The following ABCC11 variants were observed in gnomAD, a reference collection of about 807,000 sequenced individuals.
The protein encoded by ABCC11 is ATP binding cassette subfamily C member 11.
A neutral mutation model predicts 149.3 loss-of-function variants in ABCC11; 135 were observed. The ratio of observed to expected loss-of-function variants is 0.90; its 90% CI spans 0.79 to 1.04. The LOEUF is 1.04. Among genes scored for constraint, ABCC11 ranks in the 50% least tolerant of loss-of-function variants. The probability of loss-of-function intolerance (pLI) is 0.00; values close to 1 mark genes in which losing one functional copy is unlikely to be tolerated. For missense variants in ABCC11, 1,680 were observed against 1,722.1 expected (o/e 0.98, Z 0.43); for synonymous variants, 665 against 671.4 (o/e 0.99, Z 0.15).
rs1052033804 is a variant in ABCC11 at position 48,175,504 on chromosome 16, C to T, written c.3539-87G>A. 67 of 1,439,704 alleles carry T rather than the reference C, an allele frequency of 4.7e-5. No individual in the cohort carries two copies. In the African/African-American group the frequency reaches 7.3e-4, roughly 16 times the overall value. The allele number at this position is 1,439,704 out of a possible 1,614,324, so 89.2% of individuals were successfully genotyped here. A position where few individuals can be genotyped will look rare whatever the true frequency, so the allele number is the denominator to read the frequency against. On this transcript the variant is annotated intron_variant, in intron 25 of 29. Transcript: ENST00000356608. Reference sequence around the variant, plus strand: ...TCGCACCTGGCGATCACACCTGACCCGCTGCCCTCCGTGGCCCATTCTTCA... The same window carrying T: ...TCGCACCTGGCGATCACACCTGACCTGCTGCCCTCCGTGGCCCATTCTTCA...
intron 15 of ABCC11, 22 bp from the exon 16 acceptor site, chr16:48,198,297 A>G (rs1967627134): frequency 1.2e-6 from 2 of 1,610,928 alleles, no homozygotes; most frequent in South Asian, 1.1e-5. Context: ...AAAGAAAGAA[A>G]GGCTTCAGTA....
rs1420200054 is a variant in ABCC11, at chr16:48,244,473, A to G, written c.-19+2841T>C. On this transcript the variant is annotated intron_variant, in intron 1 of 29. Coordinates refer to ENST00000356608, the MANE Select transcript of ABCC11 (RefSeq NM_001370497.1). ...GGGCGTCCTGCTGCCCGGCTCCACC[A>G]TGCGCACCAGCGTGGACTCGGCCCG... 21 of 1,598,596 alleles carry G rather than the reference A, an allele frequency of 1.3e-5. 1 individual carries two copies. In the Middle Eastern group the frequency reaches 5.0e-4, roughly 38 times the overall value.
intron 12 of ABCC11, among the ~76,000 whole-genome samples, chr16:48,206,057 G>A (rs568758224): frequency 6.6e-6 from 1 of 152,166 alleles, no homozygotes; most frequent in Non-Finnish European, 1.5e-5. Flanking sequence ...TGATCTGTCC[G>A]CCTCGGCCTC....
intron 11 of ABCC11, chr16:48,209,697 T>C (rs1968751256): frequency 6.6e-6 from 1 of 152,150 alleles, no homozygotes. Context: ...AGACAGAGGA[T>C]GGGAGTGGGG....
intron 1 of ABCC11, among the ~76,000 whole-genome samples, chr16:48,242,637 G>A (rs1971030302): frequency 6.6e-6 from 1 of 152,128 alleles, no homozygotes; most frequent in African/African-American, 2.4e-5. Context: ...CAAAGACTTG[G>A]AACCAACCCA....
intron 22 of ABCC11, among the ~76,000 whole-genome samples, chr16:48,186,329 C>T (rs1319536255): frequency 1.8e-4 from 28 of 152,188 alleles, no homozygotes; most frequent in Non-Finnish European, 2.9e-5. Context: ...AGTTTATCTG[C>T]CCCTCTCTTA....
At chr16:48,190,388 G>A (rs1966866590) in intron 20 of ABCC11, among the ~76,000 whole-genome samples, 2 of 151,538 alleles carry the variant, frequency 1.3e-5, no homozygotes, top group Non-Finnish European at 2.9e-5. Context: ...AATGAGATAG[G>A]GTCTCACTGT....
intron 6 of ABCC11, among the ~76,000 whole-genome samples, chr16:48,219,076 T>C (rs1969547208): frequency 6.6e-6 from 1 of 152,064 alleles, no homozygotes; most frequent in African/African-American, 2.4e-5. Flanking sequence ...ATGTAAAACA[T>C]AGTACCACTT....
chr16:48,222,572 C>T (rs1969815915), intron 6 of ABCC11, 26 bp downstream of exon 6: 3 of 1,597,642 alleles, frequency 1.9e-6, no homozygotes, highest in South Asian at 1.1e-5. Context: ...AAGCATGGCC[C>T]AGAATAGGCA....
chr16:48,172,510 G>A (rs1052643276), intron 26 of ABCC11, among the ~76,000 whole-genome samples: 7 of 151,002 alleles, frequency 4.6e-5, no homozygotes, highest in East Asian at 2.0e-4. Flanking sequence ...TCACTACAGC[G>A]TTGACCTCTT....
intron 6 of ABCC11, among the ~76,000 whole-genome samples, chr16:48,219,224 C>T (rs1385409861): frequency 2.1e-5 from 3 of 142,098 alleles, no homozygotes; most frequent in Non-Finnish European, 4.5e-5. Flanking sequence ...GGCTGGGGTT[C>T]AGTGGTACAA....
chr16:48,208,050 T>A (rs1460051061), intron 12 of ABCC11, among the ~76,000 whole-genome samples: 1 of 152,154 alleles, frequency 6.6e-6, no homozygotes, highest in African/African-American at 2.4e-5. Flanking sequence ...TCTTTTTTTT[T>A]TATAGGGACC....
intron 1 of ABCC11, among the ~76,000 whole-genome samples, chr16:48,245,037 G>T (rs1596885831): frequency 6.6e-6 from 1 of 151,576 alleles, no homozygotes; most frequent in Non-Finnish European, 1.5e-5. Flanking sequence ...ACTCCTATCC[G>T]CCTCCCCTTT....
intron 1 of ABCC11, among the ~76,000 whole-genome samples, chr16:48,238,133 T>G (rs1385925533): frequency 1.3e-5 from 2 of 152,170 alleles, no homozygotes; most frequent in South Asian, 2.1e-4. Flanking sequence ...GTTATTGAAA[T>G]GAATATTAAG....
chr16:48,205,707 G>T (rs369038765), intron 12 of ABCC11, among the ~76,000 whole-genome samples, 170 bp from the exon 13 acceptor site: 2 of 152,172 alleles, frequency 1.3e-5, no homozygotes, highest in Non-Finnish European at 2.9e-5. Flanking sequence ...GAGTTCCAGG[G>T]ACCGGCCATG....
rs958979243 is a variant in ABCC11 at position 48,197,999 on chromosome 16, G to A, written c.2286C>T (p.Ser762=). 6.2e-7 allele frequency: 1 copy of A among 1,614,158 alleles called. No individual in the cohort carries two copies. The highest frequency in any genetic ancestry group is 1.3e-5 in the African/African-American group (1 of 75,044). Residue 762 remains serine (S), a synonymous_variant, in exon 17 of 30, where the codon TCC becomes TCT. Coordinates refer to ENST00000356608, the MANE Select transcript of ABCC11 (RefSeq NM_001370497.1). ...PKVESQALAT[S]LEESLNGNAV... ...CATTTCCGTTGAGAGACTCTTCCAG[G>A]GAGGTGGCCAGAGCCTGACTTTCTA...
chr16:48,222,576 A>G, intron 6 of ABCC11, 22 bp downstream of exon 6: 1 of 1,601,660 alleles, frequency 6.2e-7, no homozygotes, highest in Non-Finnish European at 8.6e-7. Context: ...ATGGCCCAGA[A>G]TAGGCAGTCC....
rs1317287864 is a variant in ABCC11 at position 48,203,253 on chromosome 16, A to C, written c.1853T>G (p.Leu618Arg). 3 of 1,582,082 alleles carry C rather than the reference A, an allele frequency of 1.9e-6. No homozygotes were observed. The highest frequency in any genetic ancestry group is 2.6e-6 in the Non-Finnish European group (3 of 1,163,266). ...HCCSLNRDLE[L>R]LPFGDMTEIG... ...CTCTGTCATGTCTCCAAAGGGCAGA[A>C]GTTCCAGGTCCCGATTCAGGGAGCA... is the stretch of plus-strand genomic sequence containing the variant. The change falls in exon 14 of 30, where the codon CTT becomes CGT. Residue 618 changes from leucine to arginine, a missense_variant. Coordinates refer to ENST00000356608, the MANE Select transcript of ABCC11 (RefSeq NM_001370497.1).
chr16:48,230,275 G>T (rs1049024177), intron 3 of ABCC11, among the ~76,000 whole-genome samples, 162 bp downstream of exon 3: 2 of 152,204 alleles, frequency 1.3e-5, no homozygotes, highest in Admixed American at 6.5e-5. Flanking sequence ...TGAATGAATG[G>T]CTATGACGAT....
Sources: allele counts gnomAD v4.1 joint callset (sites outside exome capture counted in the v4.1 genomes callset), GRCh38; gene constraint gnomAD v4.1.1; transcripts MANE v1.5; gene names NCBI Gene and HGNC (gene_info 2026-07-23, HGNC 2026-07-21).